The following ARHGEF7 variants were observed in gnomAD, a reference collection of about 807,000 sequenced individuals.
ARHGEF7 encodes the protein Rho guanine nucleotide exchange factor 7.
Under a neutral mutation model 109.8 loss-of-function variants are expected in ARHGEF7, and 33 were observed. The observed-to-expected ratio is 0.30, with a 90% CI of 0.23 to 0.40. The LOEUF is 0.40. Among genes scored for constraint, ARHGEF7 ranks in the 10% least tolerant of loss-of-function variants. ARHGEF7 has a pLI of 1.00. For synonymous variants in ARHGEF7, 458 were observed against 424.6 expected, an observed-to-expected ratio of 1.08 and a Z score of -0.97; for missense variants, 938 against 1,098.5, an observed-to-expected ratio of 0.85 and a Z score of 2.07.
rs1190479813 is a variant in ARHGEF7 at position 111,217,898 on chromosome 13, G to T, written c.670+18G>T. 2 of 1,593,210 alleles carry T rather than the reference G, an allele frequency of 1.3e-6. No homozygotes were observed. Among genetic ancestry groups the T allele is most frequent in the East Asian group, 4.5e-5 (2 of 44,372 alleles). ...GGCCAGCGGTAAGTGGCCGAGCCTGGGCTGTGTGTGGCTTTTTGCGATGAG... is the reference window on the plus strand; with the variant it reads ...GGCCAGCGGTAAGTGGCCGAGCCTGTGCTGTGTGTGGCTTTTTGCGATGAG... On this transcript the variant is annotated intron_variant, in intron 5 of 21. Transcript: ENST00000646102.
intron 8 of ARHGEF7, 73 bp downstream of exon 8, chr13:111,244,367 AT>A: frequency 2.3e-6 from 2 of 875,546 alleles, no homozygotes; most frequent in Non-Finnish European, 3.6e-6. Flanking sequence ...GTGTGAAGTA[AT>A]TTTAGAATTC....
intron 1 of ARHGEF7, 163 bp from the exon 2 acceptor site, chr13:111,153,742 A>G: frequency 1.5e-6 from 2 of 1,339,390 alleles, no homozygotes; most frequent in South Asian, 3.8e-5. Flanking sequence ...GCAGCGGCTG[A>G]GCGGGTTGGC....
chr13:111,139,613 G>A (rs1213238976), intron 1 of ARHGEF7, among the ~76,000 whole-genome samples: 3 of 151,710 alleles, frequency 2.0e-5, no homozygotes, highest in Non-Finnish European at 1.5e-5. Flanking sequence ...ACTGGCGGGT[G>A]CCTGCGTGGA....
chr13:111,123,016 G>GA (rs1450255811), intron 1 of ARHGEF7, among the ~76,000 whole-genome samples: 1 of 152,246 alleles, frequency 6.6e-6, no homozygotes, highest in Non-Finnish European at 1.5e-5. Context: ...AAGGGTTGGG[G>GA]TAGACGATAG....
At chr13:111,238,215 G>T (rs2087108768) in intron 6 of ARHGEF7, among the ~76,000 whole-genome samples, 1 of 152,168 alleles carries the variant, frequency 6.6e-6, no homozygotes. Context: ...GATCCGGGCG[G>T]CTTGATGCAG....
chr13:111,302,658 G>A (rs2093596431), intron 21 of ARHGEF7, among the ~76,000 whole-genome samples: 1 of 152,222 alleles, frequency 6.6e-6, no homozygotes, highest in Non-Finnish European at 1.5e-5. Flanking sequence ...CTGGAAGGTG[G>A]TTATAAATGG....
Position 111,283,244 on chromosome 13 carries a change from C to T in ARHGEF7, c.1831C>T (p.Pro611Ser). Residue 611 changes from proline to serine, a missense_variant, in exon 16 of 22, where the codon CCG (proline) becomes TCG (serine). By Grantham distance (74) the Pro-to-Ser change is moderately conservative. Coordinates refer to ENST00000646102, the MANE Select transcript of ARHGEF7 (RefSeq NM_001354046.2). ...TLPHPSHHGT[P>S]HTTINWGPLE... ...GCCCCACCCCTCCCACCACGGCACC[C>T]CGCACACCACCATCAACTGGGGACC... 1 of 1,587,326 alleles carries T rather than the reference C, an allele frequency of 6.3e-7. No individual in the cohort carries two copies.
At chr13:111,203,166 A>G in intron 2 of ARHGEF7, 9 of 1,187,230 alleles carry the variant, frequency 7.6e-6, no homozygotes, top group Non-Finnish European at 9.8e-6. Context: ...TACAAAATTG[A>G]CAAAATAAAA....
At chr13:111,182,092 G>A (rs539294947) in intron 2 of ARHGEF7, 3 of 152,310 alleles carry the variant, frequency 2.0e-5, no homozygotes, top group Admixed American at 2.0e-4. Flanking sequence ...CACAAGAGTG[G>A]CCTTAATTCA....
chr13:111,276,258 TTC>T (rs1450642181), intron 12 of ARHGEF7, among the ~76,000 whole-genome samples: 2 of 152,204 alleles, frequency 1.3e-5, no homozygotes, highest in East Asian at 1.9e-4. Flanking sequence ...AGGCACCTCT[TTC>T]TGAATTTTAT....
At chr13:111,241,242 G>A (rs74796427) in intron 6 of ARHGEF7, 35 of 1,536,084 alleles carry the variant, frequency 2.3e-5, no homozygotes, top group East Asian at 2.2e-4. Context: ...GGTTCCCAGC[G>A]TTGGTGGGAT....
intron 12 of ARHGEF7, among the ~76,000 whole-genome samples, chr13:111,276,639 C>A (rs2092501583): frequency 1.3e-5 from 2 of 152,176 alleles, no homozygotes; most frequent in African/African-American, 4.8e-5. Context: ...GGAAAAGATT[C>A]TTTATGATAG....
chr13:111,161,873 T>G (rs2076770208), intron 2 of ARHGEF7, among the ~76,000 whole-genome samples: 1 of 152,214 alleles, frequency 6.6e-6, no homozygotes, highest in African/African-American at 2.4e-5. Flanking sequence ...AAATAATTAT[T>G]TTACTACTGA....
chr13:111,282,541 T>G (rs2057574), intron 15 of ARHGEF7, among the ~76,000 whole-genome samples: 133,041 of 152,174 alleles, frequency 0.87, 58,409 homozygotes, highest in South Asian at 0.92. Flanking sequence ...TCAGTAAAGA[T>G]CCAGATGGTA....
At chr13:111,241,210 T>C in intron 6 of ARHGEF7, 1 of 1,536,110 alleles carries the variant, frequency 6.5e-7, no homozygotes, top group Non-Finnish European at 8.7e-7. Flanking sequence ...GCCTTTTCTT[T>C]GAAAACTGCC....
chr13:111,167,647 T>G (rs149584807), intron 2 of ARHGEF7, among the ~76,000 whole-genome samples: 116 of 152,338 alleles, frequency 7.6e-4, no homozygotes, highest in African/African-American at 2.7e-3. Context: ...ATGTGTGCAT[T>G]CTGAGCAAAC....
At position 111,272,480 on chromosome 13, in the gene ARHGEF7, C is replaced by G. The variant is rs1161556274; in HGVS notation, c.1074-1334C>G. Among the ~76,000 whole-genome samples the G allele has an allele frequency of 1.3e-5, 2 of 152,218 alleles. No individual in the cohort carries two copies. The highest frequency in any genetic ancestry group is 4.8e-5 in the African/African-American group (2 of 41,450). ...TAGGATTTTCATGTTTATTTTAGGA[C>G]ATCGTTTACATAATGAGGATATAAA... On this transcript the variant is annotated intron_variant, in intron 9 of 21. Transcript: ENST00000646102. The surrounding 1 kb of genome is among the most constrained non-coding windows in gnomAD (Gnocchi z 5.2).
At chr13:111,194,789 T>C (rs1218061958) in intron 2 of ARHGEF7, among the ~76,000 whole-genome samples, 1 of 152,186 alleles carries the variant, frequency 6.6e-6, no homozygotes, top group African/African-American at 2.4e-5. Flanking sequence ...AGACTGTCCA[T>C]GTAAGTTGGG....
At chr13:111,252,495 A>G (rs555199176) in intron 8 of ARHGEF7, among the ~76,000 whole-genome samples, 2 of 152,344 alleles carry the variant, frequency 1.3e-5, no homozygotes, top group African/African-American at 4.8e-5. Context: ...TGCAAATTAA[A>G]TGATTGCAGA....
Sources: gnomAD v4.1 joint callset for allele counts (sites outside exome capture counted in the v4.1 genomes callset) on GRCh38, gnomAD v4.1.1 for gene constraint, Gnocchi (gnomAD v3.1) non-coding constraint, MANE v1.5 for transcripts, NCBI Gene and HGNC (gene_info 2026-07-23, HGNC 2026-07-21) for gene names.